ANXA6: variants seen among roughly 807,000 people sequenced by gnomAD.
ANXA6 encodes the protein 67 kDa calelectrin.
In ANXA6, 71 loss-of-function variants were observed where a neutral mutation model predicts 95.4. The observed-to-expected ratio is 0.74, with a 90% CI of 0.61 to 0.91. The LOEUF (loss-of-function observed/expected upper bound fraction) is 0.91, where lower values mean the gene tolerates loss of function less well. ANXA6 is among the 40% of genes least tolerant of loss of function. The probability of loss-of-function intolerance (pLI) is 0.00; values close to 1 mark genes in which losing one functional copy is unlikely to be tolerated. For synonymous variants in ANXA6, 289 were observed against 315.9 expected (o/e 0.91, Z 0.90); for missense variants, 830 against 876.4 (o/e 0.95, Z 0.67).
intron 17 of ANXA6, among the ~76,000 whole-genome samples, chr5:151,120,416 CAAAA>C (rs35091535): frequency 9.1e-5 from 12 of 131,974 alleles, no homozygotes; most frequent in Non-Finnish European, 9.8e-5. Context: ...GCTACAACTA[CAAAA>C]AAAAAAAAAA....
chr5:151,132,898 G>A (rs62379668), intron 9 of ANXA6, among the ~76,000 whole-genome samples, 196 bp downstream of exon 9: 14,272 of 150,408 alleles, frequency 0.095, 811 homozygotes, highest in East Asian at 0.17. Context: ...AAGTAATTGC[G>A]GTTTTTGCCA....
intron 1 of ANXA6, among the ~76,000 whole-genome samples, chr5:151,148,625 G>A (rs993176648): frequency 9.9e-5 from 15 of 152,242 alleles, no homozygotes; most frequent in Non-Finnish European, 2.2e-4. Flanking sequence ...AGCTTATGCT[G>A]TAATGGGAAT....
intron 24 of ANXA6, among the ~76,000 whole-genome samples, chr5:151,104,646 T>C (rs1764645286): frequency 1.3e-5 from 2 of 152,172 alleles, no homozygotes; most frequent in Admixed American, 1.3e-4. Context: ...GGTCTCAGGT[T>C]CCTTCCTACC....
intron 1 of ANXA6, among the ~76,000 whole-genome samples, chr5:151,151,642 C>T (rs1766108040): frequency 6.6e-6 from 1 of 152,162 alleles, no homozygotes; most frequent in African/African-American, 2.4e-5. Context: ...ACATCACTCC[C>T]TCTTTGGTAG....
chr5:151,106,351 C>G (rs890886681), intron 23 of ANXA6, among the ~76,000 whole-genome samples: 1 of 152,106 alleles, frequency 6.6e-6, no homozygotes, highest in African/African-American at 2.4e-5. Context: ...TGAGAACAGA[C>G]GGCAAGAGGC....
intron 14 of ANXA6, among the ~76,000 whole-genome samples, chr5:151,126,010 AC>A (rs1765305348): frequency 6.6e-6 from 1 of 151,518 alleles, no homozygotes; most frequent in African/African-American, 2.4e-5. Context: ...TCCTTTGTGG[AC>A]CCCCAGTCTG....
chr5:151,108,366 G>T, intron 23 of ANXA6, 89 bp downstream of exon 23: 1 of 1,213,082 alleles, frequency 8.2e-7, no homozygotes, highest in Non-Finnish European at 1.2e-6. Flanking sequence ...TCCAGTAGTA[G>T]CTTCGGAGGC....
chr5:151,104,372 C>A (rs567854015), intron 24 of ANXA6, among the ~76,000 whole-genome samples: 2 of 152,240 alleles, frequency 1.3e-5, no homozygotes, highest in African/African-American at 4.8e-5. Context: ...GCTGCCTCTG[C>A]CCCCAGGGAG....
intron 1 of ANXA6, among the ~76,000 whole-genome samples, chr5:151,149,684 C>G (rs1766061687): frequency 6.6e-6 from 1 of 152,190 alleles, no homozygotes; most frequent in African/African-American, 2.4e-5. Context: ...ATGGGTTTCA[C>G]CATGTTGGCC....
chr5:151,152,893 C>T lies in ANXA6; in HGVS notation c.-26+4787G>A, dbSNP rs114905702. On this transcript the variant is annotated intron_variant, in intron 1 of 25. Coordinates refer to ENST00000354546, the MANE Select transcript of ANXA6 (RefSeq NM_001155.5). ...GCTTGGGCTGTGGAGGAACAGAGTA[C>T]ACTTTTGAGGGAAAGGAGATGTTGA... 6.0e-3 allele frequency among the ~76,000 whole-genome samples: 918 copies of T among 152,210 alleles called. 13 individuals are homozygous for T. Among genetic ancestry groups the T allele is most frequent in the African/African-American group, 0.021 (852 of 41,512 alleles).
chr5:151,117,856 G>T lies in ANXA6; in HGVS notation c.1439-19C>A, dbSNP rs550265835. 2.4e-5 allele frequency: 38 copies of T among 1,606,024 alleles called. No homozygotes were observed. Among genetic ancestry groups the T allele is most frequent in the Middle Eastern group, 3.3e-4 (2 of 6,074 alleles). On this transcript the variant is annotated intron_variant, in intron 18 of 25. Transcript: ENST00000354546. Reference sequence around the variant, plus strand: ...TGATAGTCTGAGGCAGAGAAAGGGGGTGTGGGTAGCTGCTGGCCAAGAAGG... The same window carrying T: ...TGATAGTCTGAGGCAGAGAAAGGGGTTGTGGGTAGCTGCTGGCCAAGAAGG...
intron 1 of ANXA6, among the ~76,000 whole-genome samples, chr5:151,152,656 C>G (rs1766136542): frequency 1.3e-5 from 2 of 152,172 alleles, no homozygotes; most frequent in South Asian, 4.1e-4. Flanking sequence ...GGGTGCAGGA[C>G]AAGAGTATCA....
At chr5:151,152,332 C>T (rs1461199166) in intron 1 of ANXA6, among the ~76,000 whole-genome samples, 10 of 152,194 alleles carry the variant, frequency 6.6e-5, no homozygotes, top group Admixed American at 3.3e-4. Context: ...TAAGCCCAAA[C>T]ATTTACAATG....
At chr5:151,131,382 GC>G in intron 10 of ANXA6, 93 bp from the exon 11 acceptor site, 1 of 1,312,112 alleles carries the variant, frequency 7.6e-7, no homozygotes, top group Non-Finnish European at 1.1e-6. Context: ...TTCCTTGAGG[GC>G]CACCTAGCTC....
At chr5:151,122,884 T>C in intron 16 of ANXA6, 33 bp downstream of exon 16, 3 of 1,591,234 alleles carry the variant, frequency 1.9e-6, no homozygotes, top group Non-Finnish European at 2.6e-6. Flanking sequence ...GGTGCATGCA[T>C]GTTGCACAGA....
intron 17 of ANXA6, among the ~76,000 whole-genome samples, chr5:151,120,579 C>T (rs1765139972): frequency 6.6e-6 from 1 of 152,016 alleles, no homozygotes; most frequent in Admixed American, 6.6e-5. Context: ...ATTAGCTGGT[C>T]GTGGTGGCGT....
intron 23 of ANXA6, among the ~76,000 whole-genome samples, chr5:151,107,226 A>C (rs1057008435): frequency 1.2e-4 from 19 of 152,268 alleles, no homozygotes; most frequent in African/African-American, 4.6e-4. Context: ...TGAGTATTAC[A>C]TGCCAAGAGG....
chr5:151,154,595 C>G (rs79733090), intron 1 of ANXA6, among the ~76,000 whole-genome samples: 1,555 of 152,216 alleles, frequency 0.01, 29 homozygotes, highest in African/African-American at 0.035. Flanking sequence ...CACCCAGGAC[C>G]CGCTCCATAA....
intron 25 of ANXA6, 101 bp from the exon 26 acceptor site, chr5:151,101,608 C>G: frequency 9.8e-7 from 1 of 1,022,414 alleles, no homozygotes; most frequent in Non-Finnish European, 1.5e-6. Flanking sequence ...CTCGGCTTCT[C>G]TCCATGACCA....
Sources: allele counts gnomAD v4.1 joint callset (sites outside exome capture counted in the v4.1 genomes callset), GRCh38; gene constraint gnomAD v4.1.1; transcripts MANE v1.5; gene names NCBI Gene and HGNC (gene_info 2026-07-23, HGNC 2026-07-21).